CFAP61: variants seen among roughly 807,000 people sequenced by gnomAD.
The protein encoded by CFAP61 is cilia and flagella associated protein 61, also known as cilia- and flagella-associated protein 61.
CFAP61 carries 107 observed loss-of-function variants against 135.6 expected under a neutral mutation model. That is an observed-to-expected ratio of 0.79 (90% CI 0.67 to 0.93). The LOEUF is 0.93. Ranked by LOEUF, CFAP61 falls within the 40% of genes least tolerant of loss-of-function variation. CFAP61 has a pLI of 0.00. For missense variants in CFAP61, 1,507 were observed against 1,556.2 expected (o/e 0.97, Z 0.53); for synonymous variants, 575 against 578.5 (o/e 0.99, Z 0.09).
intron 8 of CFAP61, among the ~76,000 whole-genome samples, chr20:20,141,718 G>A (rs1435170597): frequency 6.6e-6 from 1 of 152,190 alleles, no homozygotes; most frequent in Non-Finnish European, 1.5e-5. Flanking sequence ...GGGGTTGAGA[G>A]GCATCTGCAG....
chr20:20,222,002 T>G (rs1490711216), intron 17 of CFAP61: 3 of 152,186 alleles, frequency 2.0e-5, no homozygotes, highest in Non-Finnish European at 4.4e-5. Flanking sequence ...CAAGCACCCA[T>G]GCACAGGTAA....
chr20:20,228,963 C>T (rs2048933886), intron 18 of CFAP61, among the ~76,000 whole-genome samples: 1 of 152,234 alleles, frequency 6.6e-6, no homozygotes, highest in African/African-American at 2.4e-5. Context: ...TGACTTCATA[C>T]ATTACAAATA....
At chr20:20,314,220 CAAAAAAAA>C (rs74180988) in intron 25 of CFAP61, among the ~76,000 whole-genome samples, 4 of 95,412 alleles carry the variant, frequency 4.2e-5, no homozygotes, top group African/African-American at 1.2e-4. Flanking sequence ...CCCATCTCTA[CAAAAAAAA>C]AAAAAAAAAA....
chr20:20,159,118 C>T (rs546407523), intron 9 of CFAP61, among the ~76,000 whole-genome samples: 5 of 152,324 alleles, frequency 3.3e-5, no homozygotes, highest in African/African-American at 9.6e-5. Flanking sequence ...CAGGAGGCAC[C>T]TGCACTATGC....
chr20:20,151,829 C>CAAAA lies in CFAP61; in HGVS notation c.952-7525_952-7522dup, dbSNP rs386393498. On this transcript the variant is annotated intron_variant, in intron 9 of 26. Coordinates refer to ENST00000245957, the MANE Select transcript of CFAP61 (RefSeq NM_015585.4). The stretch of plus-strand genomic sequence containing the variant: ...TGGGCGACAGAGCAAGACTCCGTCT[C>CAAAA]AAAAAAAAAAAAAAAAAAAGAAGCT... Among the ~76,000 whole-genome samples the CAAAA allele has an allele frequency of 6.3e-3, 335 of 53,354 alleles. 33 individuals are homozygous for CAAAA. Among genetic ancestry groups the CAAAA allele is most frequent in the African/African-American group, 0.022 (264 of 12,162 alleles). 35.0% of individuals were successfully genotyped at this position (53,354 alleles called of 152,430 possible). A position where few individuals can be genotyped will look rare whatever the true frequency, so the allele number is the denominator to read the frequency against.
chr20:20,128,719 A>C (rs1333773189), intron 8 of CFAP61, among the ~76,000 whole-genome samples: 1 of 151,664 alleles, frequency 6.6e-6, no homozygotes, highest in East Asian at 1.9e-4. Context: ...CGCCATGATG[A>C]TCCAAACTAT....
intron 8 of CFAP61, among the ~76,000 whole-genome samples, chr20:20,108,494 A>G (rs1307397638): frequency 6.6e-6 from 1 of 151,974 alleles, no homozygotes; most frequent in Non-Finnish European, 1.5e-5. Context: ...ACAAATAGTG[A>G]GGGGAAATGG....
chr20:20,197,996 A>G (rs376278867), intron 16 of CFAP61, among the ~76,000 whole-genome samples: 2 of 152,256 alleles, frequency 1.3e-5, no homozygotes, highest in East Asian at 3.8e-4. Context: ...TAATTTTGCC[A>G]GTGTATTTTA....
intron 2 of CFAP61, among the ~76,000 whole-genome samples, chr20:20,067,644 A>AAT (rs71988476): frequency 0.25 from 32,175 of 129,542 alleles, 4,881 homozygotes; most frequent in East Asian, 0.58. Flanking sequence ...TCCATCTCAA[A>AAT]ATATATATAT....
chr20:20,292,643 T>C (rs934214362), intron 24 of CFAP61, among the ~76,000 whole-genome samples: 2 of 152,190 alleles, frequency 1.3e-5, no homozygotes, highest in African/African-American at 4.8e-5. Context: ...GAAAGCTTGT[T>C]ACTCAGCTGG....
chr20:20,140,597 C>G (rs112882805), intron 8 of CFAP61, among the ~76,000 whole-genome samples: 1 of 152,122 alleles, frequency 6.6e-6, no homozygotes, highest in African/African-American at 2.4e-5. Context: ...GAAATATGAA[C>G]ACTTTTACAC....
In CFAP61 at chr20:20,149,286, C is replaced by T. The variant is rs144843459; in HGVS notation, c.951+6338C>T. 1.1e-3 allele frequency among the ~76,000 whole-genome samples: 160 copies of T among 152,268 alleles called. 1 individual carries two copies. Among genetic ancestry groups the T allele is most frequent in the African/African-American group, 3.8e-3 (156 of 41,562 alleles). ...AAAATAAAACTGCAGATCAGTATTTCTCATGAACATTGATGAGGAAATTCT... is the reference window on the plus strand; with the variant it reads ...AAAATAAAACTGCAGATCAGTATTTTTCATGAACATTGATGAGGAAATTCT... On this transcript the variant is annotated intron_variant, in intron 9 of 26. Transcript: ENST00000245957.
At chr20:20,181,137 G>A (rs896387986) in intron 13 of CFAP61, among the ~76,000 whole-genome samples, 5 of 150,532 alleles carry the variant, frequency 3.3e-5, no homozygotes, top group Admixed American at 6.6e-5. Context: ...CAACCTTCAC[G>A]CGTACCCCTG....
At chr20:20,236,570 A>G (rs2049606905) in intron 18 of CFAP61, among the ~76,000 whole-genome samples, 1 of 152,220 alleles carries the variant, frequency 6.6e-6, no homozygotes, top group Non-Finnish European at 1.5e-5. Flanking sequence ...ACCCATATTC[A>G]TAGTATTAAC....
At chr20:20,219,388 C>T (rs530521597) in intron 17 of CFAP61, among the ~76,000 whole-genome samples, 1 of 152,228 alleles carries the variant, frequency 6.6e-6, no homozygotes, top group African/African-American at 2.4e-5. Context: ...CATAGTAACT[C>T]TTTGCTGTAT....
intron 17 of CFAP61, chr20:20,220,247 TG>T (rs373441822): frequency 5.3e-5 from 8 of 152,338 alleles, no homozygotes; most frequent in Non-Finnish European, 8.8e-5. Context: ...GGAGAACTTC[TG>T]GGTGGTAAAC....
At chr20:20,297,861 G>A (rs1430318552) in intron 24 of CFAP61, among the ~76,000 whole-genome samples, 1 of 152,184 alleles carries the variant, frequency 6.6e-6, no homozygotes, top group African/African-American at 2.4e-5. Context: ...ACACCTCAGA[G>A]GAGAGAATAA....
intron 17 of CFAP61, among the ~76,000 whole-genome samples, chr20:20,218,259 C>T (rs945301254): frequency 1.3e-5 from 2 of 152,108 alleles, no homozygotes; most frequent in African/African-American, 2.4e-5. Context: ...GTGCTATTCT[C>T]GTGGTAATGA....
intron 20 of CFAP61, among the ~76,000 whole-genome samples, chr20:20,257,276 T>C (rs1392140538): frequency 3.3e-5 from 5 of 152,212 alleles, no homozygotes; most frequent in Non-Finnish European, 5.9e-5. Flanking sequence ...ATCTTCCGTG[T>C]TCTTTGCTTA....
Sources: gnomAD v4.1 joint callset for allele counts (sites outside exome capture counted in the v4.1 genomes callset) on GRCh38, gnomAD v4.1.1 for gene constraint, MANE v1.5 for transcripts, NCBI Gene and HGNC (gene_info 2026-07-23, HGNC 2026-07-21) for gene names.